The following IQCB1 variants were observed in gnomAD, a reference collection of about 807,000 sequenced individuals.
IQCB1 encodes IQ motif containing B1.
A neutral mutation model predicts 84.4 loss-of-function variants in IQCB1; 56 were observed. The ratio of observed to expected loss-of-function variants is 0.66; its 90% confidence interval spans 0.54 to 0.83. The LOEUF (loss-of-function observed/expected upper bound fraction) is 0.83, where lower values mean the gene tolerates loss of function less well. Ranked by LOEUF, IQCB1 falls within the 40% of genes least tolerant of loss-of-function variation. The pLI is 0.00. For missense variants in IQCB1, 629 were observed against 682.1 expected (o/e 0.92, Z 0.87); for synonymous variants, 210 against 234.8 (o/e 0.89, Z 0.96).
intron 5 of IQCB1, among the ~76,000 whole-genome samples, chr3:121,815,554 CAA>C (rs1250828084): frequency 6.6e-6 from 1 of 152,158 alleles, no homozygotes; most frequent in African/African-American, 2.4e-5. Context: ...GCAACTTCAG[CAA>C]AGTCTCAAGA....
At chr3:121,777,959 G>C (rs1274270869) in intron 13 of IQCB1, among the ~76,000 whole-genome samples, 1 of 150,710 alleles carries the variant, frequency 6.6e-6, no homozygotes, top group Non-Finnish European at 1.5e-5. Flanking sequence ...ACAGGCTGGA[G>C]TGCAGTAGCA....
intron 14 of IQCB1, among the ~76,000 whole-genome samples, chr3:121,772,106 C>A (rs568798231): frequency 3.9e-5 from 6 of 151,918 alleles, no homozygotes. Flanking sequence ...ACGTGGGAGG[C>A]GGAGGTTGCA....
chr3:121,796,619 T>A (rs1037446614), intron 9 of IQCB1, among the ~76,000 whole-genome samples: 2 of 152,074 alleles, frequency 1.3e-5, no homozygotes, highest in Non-Finnish European at 2.9e-5. Flanking sequence ...ACAAGAAGGG[T>A]AGCCATAGGT....
Position 121,828,561 on chromosome 3 carries a change from G to C in IQCB1, c.172C>G (p.Leu58Val). 1 of 1,600,776 alleles carries C rather than the reference G, an allele frequency of 6.2e-7. No individual in the cohort carries two copies. The highest frequency in any genetic ancestry group is 8.6e-7 in the Non-Finnish European group (1 of 1,167,928). Reference sequence around the variant, plus strand: ...AGGACCAAGAGGCAATATTGAATGAGATCATAACAATATATATCTTGTTTG... The same window carrying C: ...AGGACCAAGAGGCAATATTGAATGACATCATAACAATATATATCTTGTTTG... The part of the protein sequence containing the change: ...KIKQDIYCYD[L>V]IQYCLLVLSQ... Residue 58 changes from leucine to valine, a missense_variant, in exon 4 of 15, where the codon CTC (leucine) becomes GTC (valine). By Grantham distance (32) the Leu-to-Val change is conservative. Transcript: ENST00000310864.
chr3:121,800,349 A>G lies in IQCB1; in HGVS notation c.588-975T>C, dbSNP rs113835608. ...TTGAGCAGTCAAATTTTATATTTGT[A>G]TAAGACTCATGTTTGAGCTTTTTGA... On this transcript the variant is annotated intron_variant, in intron 7 of 14. Transcript: ENST00000310864. Among the ~76,000 whole-genome samples, 16 of 152,096 alleles carry G rather than the reference A, an allele frequency of 1.1e-4. No homozygotes were observed. In the South Asian group the frequency reaches 2.9e-3, roughly 28 times the overall value.
At chr3:121,801,245 T>C (rs931171200) in intron 7 of IQCB1, among the ~76,000 whole-genome samples, 4 of 152,070 alleles carry the variant, frequency 2.6e-5, no homozygotes, top group Admixed American at 2.6e-4. Flanking sequence ...CTAGTCCCAA[T>C]CTCTTCCAGA....
intron 5 of IQCB1, among the ~76,000 whole-genome samples, chr3:121,811,819 G>C (rs753453859): frequency 6.1e-4 from 93 of 152,220 alleles, no homozygotes; most frequent in Non-Finnish European, 7.9e-4. Flanking sequence ...AGCGCACCTG[G>C]GGACAGGGGA....
intron 13 of IQCB1, among the ~76,000 whole-genome samples, chr3:121,774,931 TA>T (rs1948161934): frequency 6.6e-6 from 1 of 152,180 alleles, no homozygotes. Flanking sequence ...TGAAAATAAA[TA>T]AATTTTAAAA....
intron 7 of IQCB1, among the ~76,000 whole-genome samples, chr3:121,799,775 A>G (rs1949336143): frequency 6.6e-6 from 1 of 151,856 alleles, no homozygotes. Context: ...CAAAGACAAA[A>G]ATGCCATAGG....
chr3:121,803,880 C>G (rs1281384083), intron 7 of IQCB1, among the ~76,000 whole-genome samples: 2 of 152,094 alleles, frequency 1.3e-5, no homozygotes, highest in Non-Finnish European at 2.9e-5. Flanking sequence ...TAGGCTTGTA[C>G]TTTTTAAATC....
intron 13 of IQCB1, 66 bp from the exon 14 acceptor site, chr3:121,772,779 A>G: frequency 6.7e-7 from 1 of 1,485,582 alleles, no homozygotes; most frequent in Non-Finnish European, 9.4e-7. Flanking sequence ...CCAACCACTT[A>G]GCAGAGGTTT....
chr3:121,815,928 CAAA>C (rs36019026), intron 5 of IQCB1, among the ~76,000 whole-genome samples: 1 of 88,756 alleles, frequency 1.1e-5, no homozygotes, highest in Non-Finnish European at 2.2e-5. Flanking sequence ...CATGTGGAAC[CAAA>C]AAAAAAAAAA....
At chr3:121,813,898 G>A (rs897361553) in intron 5 of IQCB1, among the ~76,000 whole-genome samples, 16 of 152,102 alleles carry the variant, frequency 1.1e-4, no homozygotes, top group Admixed American at 6.6e-4. Context: ...TTCAGGACTC[G>A]AACTCAGCTC....
At chr3:121,801,521 T>C (rs530202706) in intron 7 of IQCB1, among the ~76,000 whole-genome samples, 1 of 152,178 alleles carries the variant, frequency 6.6e-6, no homozygotes, top group South Asian at 2.1e-4. Flanking sequence ...TTATTTTATC[T>C]ACCCCATATC....
chr3:121,810,524 A>C (rs1949784849), intron 5 of IQCB1, among the ~76,000 whole-genome samples: 1 of 151,926 alleles, frequency 6.6e-6, no homozygotes, highest in South Asian at 2.1e-4. Flanking sequence ...TCTATAAATG[A>C]AAATAATTAA....
Position 121,815,482 on chromosome 3 carries a change from T to C in IQCB1, c.394-6473A>G, listed in dbSNP as rs561577945. Among the ~76,000 whole-genome samples the C allele has an allele frequency of 6.6e-5, 10 of 152,338 alleles. No individual in the cohort carries two copies. In the East Asian group the frequency reaches 1.3e-3, roughly 21 times the overall value. ...AAGTCAAATTGTCTCTGATTGCAGA[T>C]GATATGACTGTATATTTAGAAAACC... On this transcript the variant is annotated intron_variant, in intron 5 of 14. Coordinates refer to ENST00000310864, the MANE Select transcript of IQCB1 (RefSeq NM_001023570.4).
At chr3:121,814,044 G>A (rs925078660) in intron 5 of IQCB1, among the ~76,000 whole-genome samples, 9 of 152,104 alleles carry the variant, frequency 5.9e-5, no homozygotes, top group African/African-American at 1.9e-4. Flanking sequence ...CTCAGCAAAT[G>A]CAAAAGAACA....
At chr3:121,822,281 A>T (rs763868588) in intron 5 of IQCB1, among the ~76,000 whole-genome samples, 4 of 152,102 alleles carry the variant, frequency 2.6e-5, no homozygotes, top group South Asian at 2.1e-4. Context: ...CTCTCTCTCC[A>T]TATATCTTCT....
intron 4 of IQCB1, 143 bp downstream of exon 4, chr3:121,828,327 T>C: frequency 1.4e-6 from 1 of 694,718 alleles, no homozygotes; most frequent in East Asian, 2.8e-5. Flanking sequence ...AATAATAACA[T>C]ATAATATGAA....
Sources: allele counts gnomAD v4.1 joint callset (sites outside exome capture counted in the v4.1 genomes callset), GRCh38; gene constraint gnomAD v4.1.1; transcripts MANE v1.5; gene names NCBI Gene and HGNC (gene_info 2026-07-23, HGNC 2026-07-21).